OR5M3: variants seen among roughly 807,000 people sequenced by gnomAD.
OR5M3 encodes the protein olfactory receptor 5M3.
For synonymous variants in OR5M3, 129 were observed against 131.3 expected, an observed-to-expected ratio of 0.98 and a Z score of 0.12; for missense variants, 384 against 378.6, an observed-to-expected ratio of 1.01 and a Z score of -0.12.
chr11:56,470,532 T>G lies in OR5M3; in HGVS notation c.-35A>C. On this transcript the variant is annotated 5_prime_UTR_variant, in exon 2 of 2. Transcript: ENST00000641993. ...TCTAAGTCAATATCAGTTACAAAAC[T>G]TTTTGATAACTAAAATAAAATAAAG... 1 of 1,251,430 alleles carries G rather than the reference T, an allele frequency of 8.0e-7. No homozygotes were observed. Among genetic ancestry groups the G allele is most frequent in the Non-Finnish European group, 1.1e-6 (1 of 904,732 alleles). 77.5% of individuals were successfully genotyped at this position (1,251,430 alleles called of 1,614,324 possible). A position where few individuals can be genotyped will look rare whatever the true frequency, so the allele number is the denominator to read the frequency against.
chr11:56,469,682 C>T lies in OR5M3; in HGVS notation c.816G>A (p.Val272=), dbSNP rs1853642412. ...GGATCACTGTGGTATAGAACACAGC[C>T]ACCATCTTCCCCTGCTCCACAGACT... ...TEESVEQGKM[V]AVFYTTVIPM... Residue 272 remains valine, a synonymous_variant, in exon 2 of 2, where the codon GTG becomes GTA. Coordinates refer to ENST00000641993, the MANE Select transcript of OR5M3 (RefSeq NM_001004742.3). The T allele has an allele frequency of 6.3e-7, 1 of 1,593,976 alleles. No homozygotes were observed. The highest frequency in any genetic ancestry group is 1.3e-5 in the African/African-American group (1 of 74,456).
rs1334527572 is a variant in OR5M3, at chr11:56,470,164, T to A, written c.334A>T (p.Ile112Phe). 1.9e-6 allele frequency: 3 copies of A among 1,611,108 alleles called. No individual in the cohort carries two copies. The African/African-American group carries it at 4.0e-5, about 22-fold the overall frequency. ...CTATCAAAGGCCATCGCAGCAAGAA[T>A]AAAAATTTCCACATGGACAAGAGCA... is the stretch of plus-strand genomic sequence containing the variant. ...FIALVHVEIF[I>F]LAAMAFDRYM... is the part of the protein sequence containing the mutation. Residue 112 changes from isoleucine (I) to phenylalanine (F), a missense_variant, in exon 2 of 2, where the codon ATT becomes TTT. By Grantham distance (21) the Ile-to-Phe change is conservative. Coordinates refer to ENST00000641993, the MANE Select transcript of OR5M3 (RefSeq NM_001004742.3).
At chr11:56,471,276 T>C (rs1264837804) in intron 1 of OR5M3, among the ~76,000 whole-genome samples, 2 of 152,082 alleles carry the variant, frequency 1.3e-5, no homozygotes, top group African/African-American at 2.4e-5. Context: ...TTTTAAAACT[T>C]GAATGTATTC....
Position 56,470,508 on chromosome 11 carries a change from C to A in OR5M3, c.-11G>T. The A allele has an allele frequency of 6.6e-7, 1 of 1,519,786 alleles. No homozygotes were observed. The allele number at this position is 1,519,786 out of a possible 1,614,324, so 94.1% of individuals were successfully genotyped here. On this transcript the variant is annotated 5_prime_UTR_variant, in exon 2 of 2. Transcript: ENST00000641993. ...GGTGAAATTGAGCATTTTCTGAATT[C>A]TAAGTCAATATCAGTTACAAAACTT...
chr11:56,471,550 A>G (rs769055671), intron 1 of OR5M3, among the ~76,000 whole-genome samples: 3 of 151,874 alleles, frequency 2.0e-5, no homozygotes, highest in Non-Finnish European at 4.4e-5. Context: ...TGTCCTGTCA[A>G]ATCTCTTAGT....
chr11:56,472,179 G>A (rs1456944236), intron 1 of OR5M3, among the ~76,000 whole-genome samples: 1 of 151,840 alleles, frequency 6.6e-6, no homozygotes, highest in East Asian at 1.9e-4. Context: ...CCAGAGGTTT[G>A]GTCTAATTAA....
At chr11:56,470,862 T>A (rs1853660508) in intron 1 of OR5M3, among the ~76,000 whole-genome samples, 1 of 152,232 alleles carries the variant, frequency 6.6e-6, no homozygotes, top group South Asian at 2.1e-4. Flanking sequence ...ATAATTACAA[T>A]GGATTATAGT....
rs1853653837 is a variant in OR5M3 at position 56,470,302 on chromosome 11, A to G, written c.196T>C (p.Phe66Leu). The change falls in exon 2 of 2, where the codon TTT (phenylalanine) becomes CTT (leucine). Residue 66 changes from phenylalanine (F) to leucine (L), a missense_variant. Phe to Leu is a conservative substitution (Grantham distance 22). Transcript: ENST00000641993. ...TTGGAAGAAAACCACACATCAACAA[A>G]TGACAAGTGACTGAGGAAAAAGTAC... is the stretch of plus-strand genomic sequence containing the variant. ...PMYFFLSHLS[F>L]VDVWFSSNVT... 3 of 1,613,738 alleles carry G rather than the reference A, an allele frequency of 1.9e-6. No individual in the cohort carries two copies. In the East Asian group the frequency reaches 6.7e-5, roughly 36 times the overall value.
intron 1 of OR5M3, among the ~76,000 whole-genome samples, chr11:56,472,134 ATTACT>A (rs1853674337): frequency 1.3e-5 from 2 of 152,080 alleles, no homozygotes; most frequent in Non-Finnish European, 2.9e-5. Context: ...AGAGGAGAAA[ATTACT>A]AATTGAAACA....
At chr11:56,470,899 G>A (rs1565148802) in intron 1 of OR5M3, among the ~76,000 whole-genome samples, 1 of 151,888 alleles carries the variant, frequency 6.6e-6, no homozygotes, top group Non-Finnish European at 1.5e-5. Flanking sequence ...CTTAAAAAGT[G>A]TACATTTTTA....
At position 56,469,403 on chromosome 11, in the gene OR5M3, C is replaced by T; in HGVS notation, c.*171G>A. ...TGTATGTAATTAATCTCCATACTCA[C>T]ATCAACAGAAATGAATCATTCCTCC... On this transcript the variant is annotated 3_prime_UTR_variant, in exon 2 of 2. Transcript: ENST00000641993. 1 of 505,504 alleles carries T rather than the reference C, an allele frequency of 2.0e-6. No homozygotes were observed. Among genetic ancestry groups the T allele is most frequent in the Non-Finnish European group, 3.5e-6 (1 of 282,938 alleles). 31.3% of individuals were successfully genotyped at this position (505,504 alleles called of 1,614,324 possible).
Position 56,470,139 on chromosome 11 carries a change from C to T in OR5M3, c.359G>A (p.Arg120Lys), listed in dbSNP as rs532779288. 1.8e-5 allele frequency: 29 copies of T among 1,604,380 alleles called. 2 individuals are homozygous for T. The South Asian group carries it at 2.5e-4, about 14-fold the overall frequency. ...CAGAGGATTCCCAATTGCCATGTAT[C>T]TATCAAAGGCCATCGCAGCAAGAAT... Reference protein sequence around the residue: ...IFILAAMAFDRYMAIGNPLLY... With the variant: ...IFILAAMAFDKYMAIGNPLLY... The change falls in exon 2 of 2, where the codon AGA (arginine) becomes AAA (lysine). Residue 120 changes from arginine to lysine, a missense_variant. By Grantham distance (26) the Arg-to-Lys change is conservative (BLOSUM62 2). Coordinates refer to ENST00000641993, the MANE Select transcript of OR5M3 (RefSeq NM_001004742.3).
intron 1 of OR5M3, among the ~76,000 whole-genome samples, chr11:56,472,015 A>C (rs1590904771): frequency 1.3e-5 from 2 of 152,184 alleles, no homozygotes; most frequent in East Asian, 1.9e-4. Flanking sequence ...GAAAATTAGC[A>C]GTCAGGAAGG....
intron 1 of OR5M3, among the ~76,000 whole-genome samples, chr11:56,471,539 G>A (rs532239315): frequency 5.7e-4 from 87 of 151,784 alleles, no homozygotes; most frequent in Admixed American, 7.9e-4. Flanking sequence ...GGACATCTTT[G>A]TGTCCTGTCA....
chr11:56,470,651 T>C (rs765853731), intron 1 of OR5M3, 110 bp from the exon 2 acceptor site: 9 of 500,758 alleles, frequency 1.8e-5, no homozygotes, highest in Non-Finnish European at 3.1e-5. Context: ...TCACAGATCT[T>C]TTCTCAGTGC....
In OR5M3 at chr11:56,470,061, G is replaced by A; in HGVS notation, c.437C>T (p.Pro146Leu). Residue 146 changes from proline to leucine, a missense_variant, in exon 2 of 2, where the codon CCT (proline) becomes CTT (leucine). Coordinates refer to ENST00000641993, the MANE Select transcript of OR5M3 (RefSeq NM_001004742.3). ...RVVCIRLITF[P>L]YIYGFLTSLA... ...ACTCGTCAGAAAACCATAAATGTAA[G>A]GGAAAGTAATCAGTCGAATACAGAC... 3 of 1,610,652 alleles carry A rather than the reference G, an allele frequency of 1.9e-6. No individual in the cohort carries two copies. Among genetic ancestry groups the A allele is most frequent in the African/African-American group, 1.3e-5 (1 of 74,982 alleles).
At chr11:56,471,498 G>A (rs749686433) in intron 1 of OR5M3, among the ~76,000 whole-genome samples, 1 of 151,730 alleles carries the variant, frequency 6.6e-6, no homozygotes, top group Non-Finnish European at 1.5e-5. Flanking sequence ...ATATAATGGA[G>A]AATAATCCAC....
At position 56,470,375 on chromosome 11, in the gene OR5M3, G is replaced by T. The variant is rs748258667; in HGVS notation, c.123C>A (p.Ile41=). 2 of 1,613,344 alleles carry T rather than the reference G, an allele frequency of 1.2e-6. No individual in the cohort carries two copies. The highest frequency in any genetic ancestry group is 1.3e-5 in the African/African-American group (1 of 74,894). The change falls in exon 2 of 2, where the codon ATC becomes ATA. Residue 41 remains isoleucine, a synonymous_variant. Transcript: ENST00000641993. ...VVYIITMVGN[I]GMMVLIKVSP... ...TGACCTTGATTAACACCATCATGCC[G>T]ATATTGCCCACCATGGTGATGATGT...
chr11:56,469,545 A>C lies in OR5M3; in HGVS notation c.*29T>G. On this transcript the variant is annotated 3_prime_UTR_variant, in exon 2 of 2. Transcript: ENST00000641993. ...TTTTCCAAACAAATAATAGAAGATA[A>C]AATTAAATCAAATTTGATTTTATTT... 1.4e-6 allele frequency: 2 copies of C among 1,411,746 alleles called. No homozygotes were observed. The highest frequency in any genetic ancestry group is 1.9e-6 in the Non-Finnish European group (2 of 1,047,980). The allele number at this position is 1,411,746 out of a possible 1,614,324, so 87.5% of individuals were successfully genotyped here.
Sources: allele counts gnomAD v4.1 joint callset (sites outside exome capture counted in the v4.1 genomes callset), GRCh38; gene constraint gnomAD v4.1.1; transcripts MANE v1.5; gene names NCBI Gene and HGNC (gene_info 2026-07-23, HGNC 2026-07-21).